The following SYNE3 variants were observed in gnomAD, a reference collection of about 807,000 sequenced individuals.
SYNE3 encodes spectrin repeat containing nuclear envelope family member 3, also known as nesprin-3.
In SYNE3, 100 loss-of-function variants were observed where a neutral mutation model predicts 111.2. The observed-to-expected ratio is 0.90, with a 90% CI of 0.77 to 1.06. The LOEUF (loss-of-function observed/expected upper bound fraction) is 1.06, where lower values mean the gene tolerates loss of function less well. Among genes scored for constraint, SYNE3 ranks in the 50% least tolerant of loss-of-function variants. SYNE3 has a pLI of 0.00. For synonymous variants in SYNE3, 547 were observed against 533.9 expected (o/e 1.02, Z -0.34); for missense variants, 1,160 against 1,240.3 (o/e 0.94, Z 0.97).
chr14:95,449,801 C>A, intron 8 of SYNE3, 130 bp downstream of exon 8: 1 of 1,422,704 alleles, frequency 7.0e-7, no homozygotes, highest in Middle Eastern at 2.6e-4. Context: ...CTCAGCAGAC[C>A]GGGCGCAGTG....
rs575779313 is a variant in SYNE3 at position 95,454,159 on chromosome 14, C to T, written c.1137+1218G>A. On this transcript the variant is annotated intron_variant, in intron 6 of 17. Coordinates refer to ENST00000682763, the MANE Select transcript of SYNE3 (RefSeq NM_152592.6). ...AGTCATACCCAGCCCTCTGCTCTCT[C>T]GGGAGCATCCCAGGGTTGCAGTCCC... 8.5e-5 allele frequency among the ~76,000 whole-genome samples: 13 copies of T among 152,372 alleles called. 1 individual carries two copies. The East Asian group carries it at 1.2e-3, about 14-fold the overall frequency.
intron 3 of SYNE3, among the ~76,000 whole-genome samples, chr14:95,467,401 C>T (rs1163990384): frequency 6.6e-6 from 1 of 152,156 alleles, no homozygotes; most frequent in Admixed American, 6.5e-5. Context: ...GAGTCAATGC[C>T]AGGTCTGTCC....
chr14:95,498,475 G>A (rs1293824886), intron 1 of SYNE3, among the ~76,000 whole-genome samples: 2 of 152,152 alleles, frequency 1.3e-5, no homozygotes, highest in Non-Finnish European at 2.9e-5. Flanking sequence ...TGCCTCAGCC[G>A]CCCAAAGTGA....
At chr14:95,452,464 C>G in intron 6 of SYNE3, 81 bp from the exon 7 acceptor site, 1 of 1,449,430 alleles carries the variant, frequency 6.9e-7, no homozygotes, top group Non-Finnish European at 9.1e-7. Flanking sequence ...GTGAGCGTGG[C>G]CAGTGGAGGT....
intron 9 of SYNE3, 65 bp from the exon 10 acceptor site, chr14:95,444,693 C>T (rs1156892433): frequency 6.1e-6 from 9 of 1,483,602 alleles, no homozygotes; most frequent in African/African-American, 1.4e-5. Context: ...TTGTGAGACC[C>T]GACCCGTTCA....
In SYNE3 at chr14:95,417,515, C is replaced by T; in HGVS notation, c.*311G>A. On this transcript the variant is annotated 3_prime_UTR_variant, in exon 18 of 18. Coordinates refer to ENST00000682763, the MANE Select transcript of SYNE3 (RefSeq NM_152592.6). The stretch of plus-strand genomic sequence containing the variant: ...AAAATCCCATTGGAGGGAGCCATTG[C>T]TAGGAATTTTCCCAACTCCAAATAG... 2.6e-6 allele frequency: 1 copy of T among 381,016 alleles called. No individual in the cohort carries two copies. Among genetic ancestry groups the T allele is most frequent in the Non-Finnish European group, 4.9e-6 (1 of 203,780 alleles). The allele number at this position is 381,016 out of a possible 1,614,324, so 23.6% of individuals were successfully genotyped here.
chr14:95,486,980 T>C (rs1194634941), intron 1 of SYNE3, among the ~76,000 whole-genome samples: 1 of 152,210 alleles, frequency 6.6e-6, no homozygotes, highest in Non-Finnish European at 1.5e-5. Context: ...CTGCGCTGCA[T>C]GCCAGCTGCA....
chr14:95,438,419 C>G (rs1886219665), intron 14 of SYNE3: 1 of 152,840 alleles, frequency 6.5e-6, no homozygotes, highest in African/African-American at 2.4e-5. Flanking sequence ...AGGCTGTGTG[C>G]CCACTGAAAA....
At chr14:95,491,234 CTTGTCCTTCGGAA>C (rs774629113) in intron 1 of SYNE3, among the ~76,000 whole-genome samples, 1 of 152,094 alleles carries the variant, frequency 6.6e-6, no homozygotes, top group Non-Finnish European at 1.5e-5. Context: ...GACAGTTGGA[CTTGTCCTTCGGAA>C]TTCTCTTATC....
chr14:95,467,852 A>G lies in SYNE3; in HGVS notation c.260T>C (p.Leu87Pro). 1 of 1,614,216 alleles carries G rather than the reference A, an allele frequency of 6.2e-7. No homozygotes were observed. ...CTCCCATTGGGCCTTGATGTCCTTC[A>G]GCCGGGCCAGGATCCCGGGCTTCTG... ...GDQKPGILAR[L>P]KDIKAQWEET... Residue 87 changes from leucine (L) to proline (P), a missense_variant, in exon 3 of 18, where the codon CTG becomes CCG. Leu to Pro is a moderately conservative substitution (Grantham distance 98). Transcript: ENST00000682763.
chr14:95,498,786 C>T (rs1347410942), intron 1 of SYNE3, among the ~76,000 whole-genome samples: 1 of 152,100 alleles, frequency 6.6e-6, no homozygotes, highest in Non-Finnish European at 1.5e-5. Flanking sequence ...GCCTGGTGCA[C>T]CATAGGCCCT....
At chr14:95,491,143 C>T (rs1041953782) in intron 1 of SYNE3, among the ~76,000 whole-genome samples, 9 of 152,234 alleles carry the variant, frequency 5.9e-5, no homozygotes, top group South Asian at 2.1e-4. Context: ...TCTCGGGTTG[C>T]GGGGTAAGCC....
chr14:95,422,596 TCACATCC>T (rs1422010603), intron 17 of SYNE3, among the ~76,000 whole-genome samples: 1 of 152,116 alleles, frequency 6.6e-6, no homozygotes, highest in Non-Finnish European at 1.5e-5. Context: ...AGGGAGGAAG[TCACATCC>T]CATCACCACT....
intron 1 of SYNE3, among the ~76,000 whole-genome samples, chr14:95,483,874 T>C (rs1889398223): frequency 1.3e-5 from 2 of 151,888 alleles, no homozygotes; most frequent in South Asian, 2.1e-4. Context: ...TTGGAAAGGG[T>C]TGTGAGGTCT....
chr14:95,456,695 A>G (rs1277385076), intron 5 of SYNE3, among the ~76,000 whole-genome samples: 1 of 151,992 alleles, frequency 6.6e-6, no homozygotes, highest in East Asian at 1.9e-4. Context: ...TGAGGACCCA[A>G]GCGTTTAGAC....
intron 4 of SYNE3, among the ~76,000 whole-genome samples, chr14:95,464,450 A>G (rs897889336): frequency 3.9e-5 from 6 of 152,224 alleles, no homozygotes; most frequent in African/African-American, 1.4e-4. Context: ...CAAAGGGTGA[A>G]GTAGAAAAAA....
In SYNE3 at chr14:95,445,986, G is replaced by A. The variant is rs1317180706; in HGVS notation, c.1555C>T (p.Leu519=). Residue 519 remains leucine (L), a synonymous_variant, in exon 9 of 18, where the codon CTG becomes TTG. Transcript: ENST00000682763. ...CTCATGGAACCTGCCACCTGCTCCA[G>A]GAGTGCCGTGGCTCTCTCCTGGCCA... ...IFGQERATAL[L]EQVAGSMRDR... 2 of 1,614,126 alleles carry A rather than the reference G, an allele frequency of 1.2e-6. No individual in the cohort carries two copies. Among genetic ancestry groups the A allele is most frequent in the African/African-American group, 1.3e-5 (1 of 75,044 alleles).
chr14:95,476,264 G>A (rs1367463365), intron 1 of SYNE3, among the ~76,000 whole-genome samples: 2 of 152,206 alleles, frequency 1.3e-5, no homozygotes, highest in African/African-American at 4.8e-5. Flanking sequence ...ACTGTTCTGG[G>A]CATGGGCCAA....
chr14:95,455,333 A>G (rs1036190384), intron 6 of SYNE3, 44 bp downstream of exon 6: 51 of 1,455,250 alleles, frequency 3.5e-5, no homozygotes, highest in Non-Finnish European at 4.5e-5. Context: ...GACCCTGGGC[A>G]CAGACAGCAC....
Sources: gnomAD v4.1 joint callset for allele counts (sites outside exome capture counted in the v4.1 genomes callset) on GRCh38, gnomAD v4.1.1 for gene constraint, MANE v1.5 for transcripts, NCBI Gene and HGNC (gene_info 2026-07-23, HGNC 2026-07-21) for gene names.